The following CPSF3 variants were observed in gnomAD, a reference collection of about 807,000 sequenced individuals.
CPSF3 encodes cleavage and polyadenylation specificity factor subunit 3.
A neutral mutation model predicts 84.1 loss-of-function variants in CPSF3; 57 were observed. The ratio of observed to expected loss-of-function variants is 0.68; its 90% confidence interval spans 0.55 to 0.85. The LOEUF is 0.85. Ranked by LOEUF, CPSF3 falls within the 40% of genes least tolerant of loss-of-function variation. The pLI is 0.00. For synonymous variants in CPSF3, 275 were observed against 278.1 expected (o/e 0.99, Z 0.11); for missense variants, 522 against 838.8 (o/e 0.62, Z 4.66).
chr2:9,432,969 C>T (rs1572770126), intron 5 of CPSF3, among the ~76,000 whole-genome samples: 1 of 152,114 alleles, frequency 6.6e-6, no homozygotes, highest in Admixed American at 6.5e-5. Flanking sequence ...CATAGGATTC[C>T]GTTTGCTTTA....
intron 15 of CPSF3, among the ~76,000 whole-genome samples, chr2:9,466,406 GCGCA>G (rs1308185125): frequency 2.1e-5 from 3 of 141,772 alleles, no homozygotes; most frequent in African/African-American, 8.3e-5. Context: ...ACACACGCAC[GCGCA>G]CACACGCACA....
At position 9,455,728 on chromosome 2, in the gene CPSF3, TGCTCTGTTA is replaced by T; in HGVS notation, c.1575_1583del (p.Leu525_Tyr528delinsPhe). The T allele has an allele frequency of 6.2e-7, 1 of 1,614,048 alleles. No individual in the cohort carries two copies. Among genetic ancestry groups the T allele is most frequent in the Non-Finnish European group, 8.5e-7 (1 of 1,179,918 alleles). On this transcript the variant is annotated inframe_deletion, in exon 13 of 18. Transcript: ENST00000238112. ...ATTCCATATACTGGTCCCTTTAATT[TGCTCTGTTA>T]CCAGCTGCAGAAATTGACAGGTGTG...
chr2:9,423,773 G>A lies in CPSF3; in HGVS notation c.-1G>A. On this transcript the variant is annotated 5_prime_UTR_variant, in exon 1 of 18. Coordinates refer to ENST00000238112, the MANE Select transcript of CPSF3 (RefSeq NM_016207.4). Reference sequence around the variant, plus strand: ...CCCCGCTTCGCCCTCACACTTTCGGGATGTCTGCGATTCCTGCTGAGGAGA... The same window carrying A: ...CCCCGCTTCGCCCTCACACTTTCGGAATGTCTGCGATTCCTGCTGAGGAGA... 3 of 1,613,666 alleles carry A rather than the reference G, an allele frequency of 1.9e-6. No individual in the cohort carries two copies. The highest frequency in any genetic ancestry group is 1.7e-6 in the Non-Finnish European group (2 of 1,179,816).
chr2:9,470,405 G>T (rs1432265556), intron 16 of CPSF3, among the ~76,000 whole-genome samples: 4 of 152,164 alleles, frequency 2.6e-5, no homozygotes, highest in Non-Finnish European at 4.4e-5. Flanking sequence ...TGGTCCATGG[G>T]TTGTTTAGAG....
intron 1 of CPSF3, among the ~76,000 whole-genome samples, chr2:9,426,298 T>A (rs1680390088): frequency 6.6e-6 from 1 of 152,172 alleles, no homozygotes; most frequent in East Asian, 1.9e-4. Flanking sequence ...AGGGAAAGCA[T>A]CTGAGAAGGT....
At chr2:9,443,952 C>G (rs1384499233) in intron 10 of CPSF3, among the ~76,000 whole-genome samples, 1 of 152,020 alleles carries the variant, frequency 6.6e-6, no homozygotes, top group Non-Finnish European at 1.5e-5. Flanking sequence ...TGGAGTATGA[C>G]TGCTCATTTG....
At position 9,464,576 on chromosome 2, in the gene CPSF3, ATATTTT is replaced by A. The variant is rs1025247724; in HGVS notation, c.1787-3118_1787-3113del. 7.3e-5 allele frequency among the ~76,000 whole-genome samples: 11 copies of A among 151,672 alleles called. No individual in the cohort carries two copies. In the South Asian group the frequency reaches 1.7e-3, roughly 23 times the overall value. ...AGTTTTTTGTTTTTGTGTTTTTTTA[ATATTTT>A]TATTTTTATTTTACTTTATTTTATT... is the stretch of plus-strand genomic sequence containing the variant. On this transcript the variant is annotated intron_variant, in intron 15 of 17. Coordinates refer to ENST00000238112, the MANE Select transcript of CPSF3 (RefSeq NM_016207.4).
At chr2:9,440,444 T>C (rs1330156307) in intron 7 of CPSF3, 47 bp from the exon 8 acceptor site, 1 of 1,508,754 alleles carries the variant, frequency 6.6e-7, no homozygotes, top group Non-Finnish European at 9.2e-7. Context: ...TTGAACTGTT[T>C]ACCCCATCTA....
At chr2:9,443,444 A>G in intron 9 of CPSF3, 71 bp from the exon 10 acceptor site, 2 of 1,498,888 alleles carry the variant, frequency 1.3e-6, no homozygotes, top group Admixed American at 2.0e-5. Flanking sequence ...GACTGCATGA[A>G]AAAAATGAAA....
At position 9,433,884 on chromosome 2, in the gene CPSF3, G is replaced by A; in HGVS notation, c.533G>A (p.Gly178Asp). ...EIAGVKLLYT[G>D]DFSRQEDRHL... ...TCTTTTTCACAGCTTTTGTACACTG[G>A]TGATTTCTCAAGACAAGAAGATAGG... The change falls in exon 6 of 18, where the codon GGT becomes GAT. Residue 178 changes from glycine to aspartate, a missense_variant. Physicochemically the swap from Gly to Asp is moderately conservative, Grantham distance 94. Coordinates refer to ENST00000238112, the MANE Select transcript of CPSF3 (RefSeq NM_016207.4). 6.2e-7 allele frequency: 1 copy of A among 1,609,602 alleles called. No individual in the cohort carries two copies. Among genetic ancestry groups the A allele is most frequent in the Non-Finnish European group, 8.5e-7 (1 of 1,176,882 alleles).
At chr2:9,464,885 C>T (rs192168918) in intron 15 of CPSF3, among the ~76,000 whole-genome samples, 69 of 152,118 alleles carry the variant, frequency 4.5e-4, no homozygotes, top group Admixed American at 2.8e-3. Context: ...AGCCACTGCA[C>T]CTGGGCTTAC....
At chr2:9,457,730 A>C (rs1473701335) in intron 14 of CPSF3, among the ~76,000 whole-genome samples, 4 of 152,028 alleles carry the variant, frequency 2.6e-5, no homozygotes, top group Non-Finnish European at 4.4e-5. Context: ...TAGATGGTGA[A>C]CTATTTCATT....
rs766790016 is a variant in CPSF3, at chr2:9,457,062, A to G, written c.1698+35A>G. ...GATCATTTACCTAAACAATGAGGGG[A>G]AAAAAGTTTTAAAAAGAGTTCATGA... On this transcript the variant is annotated intron_variant, in intron 14 of 17. Transcript: ENST00000238112. 68 of 1,276,920 alleles carry G rather than the reference A, an allele frequency of 5.3e-5. No individual in the cohort carries two copies. The South Asian group carries it at 6.8e-4, about 13-fold the overall frequency. The allele number at this position is 1,276,920 out of a possible 1,614,324, so 79.1% of individuals were successfully genotyped here. A position where few individuals can be genotyped will look rare whatever the true frequency, so the allele number is the denominator to read the frequency against.
At chr2:9,433,819 C>T (rs893850670) in intron 5 of CPSF3, 52 bp from the exon 6 acceptor site, 5 of 1,270,338 alleles carry the variant, frequency 3.9e-6, no homozygotes, top group African/African-American at 3.0e-5. Context: ...TATTCACTAG[C>T]AAAATGAAGC....
intron 15 of CPSF3, among the ~76,000 whole-genome samples, chr2:9,463,137 A>G (rs1681788538): frequency 6.6e-6 from 1 of 152,182 alleles, no homozygotes; most frequent in Admixed American, 6.5e-5. Context: ...GCTTCCTGAT[A>G]GGGTTTGGAG....
intron 10 of CPSF3, among the ~76,000 whole-genome samples, chr2:9,444,542 T>C (rs1681066350): frequency 6.6e-6 from 1 of 152,172 alleles, no homozygotes; most frequent in Admixed American, 6.5e-5. Flanking sequence ...AGAAGAACAC[T>C]AATGAAGCAT....
chr2:9,454,864 A>G (rs1681470636), intron 12 of CPSF3, among the ~76,000 whole-genome samples: 2 of 152,006 alleles, frequency 1.3e-5, no homozygotes. Flanking sequence ...CTCTTATGCC[A>G]CATAGTCCCA....
chr2:9,469,471 TG>T (rs1682090133), intron 16 of CPSF3, among the ~76,000 whole-genome samples: 1 of 152,190 alleles, frequency 6.6e-6, no homozygotes, highest in Non-Finnish European at 1.5e-5. Flanking sequence ...GGCCCTGGAC[TG>T]GCCCCGCTCT....
At chr2:9,443,775 C>A in intron 10 of CPSF3, 114 bp downstream of exon 10, 1 of 1,104,984 alleles carries the variant, frequency 9.0e-7, no homozygotes. Flanking sequence ...GCGACACCCC[C>A]TGAGCAGAGC....
Sources: allele counts gnomAD v4.1 joint callset (sites outside exome capture counted in the v4.1 genomes callset), GRCh38; gene constraint gnomAD v4.1.1; transcripts MANE v1.5; gene names NCBI Gene and HGNC (gene_info 2026-07-23, HGNC 2026-07-21).